Variants in RBM33 observed in about 807,000 individuals in gnomAD.
RBM33 encodes RNA-binding protein 33.
Under a neutral mutation model 132.6 loss-of-function variants are expected in RBM33, and 28 were observed. That is an observed-to-expected ratio of 0.21 (90% CI 0.16 to 0.29). The LOEUF is 0.29. Among genes scored for constraint, RBM33 ranks in the 10% least tolerant of loss-of-function variants. The probability of loss-of-function intolerance (pLI) is 1.00; values close to 1 mark genes in which losing one functional copy is unlikely to be tolerated. For missense variants in RBM33, 1,291 were observed against 1,518.5 expected (o/e 0.85, Z 2.49); for synonymous variants, 634 against 593.0 (o/e 1.07, Z -1.01).
intron 8 of RBM33, among the ~76,000 whole-genome samples, chr7:155,713,393 A>G (rs1192689154): frequency 6.6e-6 from 1 of 151,950 alleles, no homozygotes; most frequent in African/African-American, 2.4e-5. Context: ...AAGGACTGGG[A>G]CCTAGGGCAC....
At chr7:155,771,762 C>T (rs755569568) in intron 16 of RBM33, among the ~76,000 whole-genome samples, 21 of 152,070 alleles carry the variant, frequency 1.4e-4, no homozygotes, top group African/African-American at 4.3e-4. Context: ...GACAGAGTCT[C>T]GCTCTGTCAC....
At chr7:155,682,163 C>T (rs1361969774) in intron 5 of RBM33, among the ~76,000 whole-genome samples, 4 of 152,104 alleles carry the variant, frequency 2.6e-5, no homozygotes, top group African/African-American at 4.8e-5. Context: ...TCAAGTTATC[C>T]GCCCGCCTCG....
intron 5 of RBM33, 29 bp from the exon 6 acceptor site, chr7:155,700,743 CT>C (rs1163034324): frequency 7.4e-6 from 11 of 1,486,418 alleles, no homozygotes; most frequent in East Asian, 2.5e-5. Context: ...ACTTACTGTC[CT>C]TTTTTTGCCT....
At chr7:155,744,454 A>G (rs1223902637) in intron 13 of RBM33, among the ~76,000 whole-genome samples, 3 of 152,224 alleles carry the variant, frequency 2.0e-5, no homozygotes, top group Non-Finnish European at 2.9e-5. Context: ...AAGGTCAGAG[A>G]GATTGACTTG....
At chr7:155,740,085 C>G in intron 12 of RBM33, 59 bp downstream of exon 12, 1 of 1,455,990 alleles carries the variant, frequency 6.9e-7, no homozygotes, top group Non-Finnish European at 9.1e-7. Context: ...ACTTACAGGA[C>G]TTGAGGGGCA....
intron 16 of RBM33, among the ~76,000 whole-genome samples, chr7:155,769,579 C>T (rs1024109753): frequency 1.2e-4 from 19 of 152,074 alleles, no homozygotes; most frequent in Non-Finnish European, 2.9e-5. Flanking sequence ...TCTCAGCCCA[C>T]CATGGAGGCC....
intron 4 of RBM33, 88 bp downstream of exon 4, chr7:155,678,772 A>G (rs570818732): frequency 2.8e-6 from 2 of 711,128 alleles, no homozygotes; most frequent in African/African-American, 3.6e-5. Flanking sequence ...ATGTAATTGA[A>G]TAATGTAGCC....
chr7:155,725,203 G>GT (rs59050644), intron 9 of RBM33, among the ~76,000 whole-genome samples: 5,911 of 104,898 alleles, frequency 0.056, 238 homozygotes, highest in South Asian at 0.071. Flanking sequence ...TTTTTTAGTT[G>GT]TTTTTTTTTT....
intron 9 of RBM33, among the ~76,000 whole-genome samples, chr7:155,725,557 C>T (rs1482617854): frequency 6.6e-6 from 1 of 152,022 alleles, no homozygotes; most frequent in African/African-American, 2.4e-5. Context: ...AATTGTGACC[C>T]TCATTAAGTA....
chr7:155,717,662 G>A (rs928660670), intron 8 of RBM33, among the ~76,000 whole-genome samples: 3 of 152,114 alleles, frequency 2.0e-5, no homozygotes, highest in Non-Finnish European at 4.4e-5. Context: ...GAGTTTCTTT[G>A]AAAATCAAGA....
chr7:155,742,455 A>C (rs1801380511), intron 13 of RBM33, among the ~76,000 whole-genome samples: 1 of 152,322 alleles, frequency 6.6e-6, no homozygotes, highest in Admixed American at 6.5e-5. Flanking sequence ...CCATTTTAGC[A>C]CAAAGGCAAT....
At chr7:155,737,692 CAACAG>C in intron 10 of RBM33, 30 bp downstream of exon 10, 1 of 1,523,234 alleles carries the variant, frequency 6.6e-7, no homozygotes, top group Non-Finnish European at 8.8e-7. Flanking sequence ...TGTGGAGTAA[CAACAG>C]AAGCTGCATT....
intron 9 of RBM33, among the ~76,000 whole-genome samples, chr7:155,718,964 C>T (rs987953121): frequency 3.3e-5 from 5 of 152,106 alleles, no homozygotes; most frequent in African/African-American, 9.7e-5. Context: ...CTCTCTCTCT[C>T]TCTCACACAC....
chr7:155,667,908 C>T (rs534105173), intron 2 of RBM33, among the ~76,000 whole-genome samples: 2 of 152,266 alleles, frequency 1.3e-5, no homozygotes, highest in East Asian at 1.9e-4. Context: ...AATGTACCAT[C>T]TTCCAGTTTC....
Position 155,766,470 on chromosome 7 carries a change from A to G in RBM33, c.3190A>G (p.Ile1064Val), listed in dbSNP as rs956033196. ...GTATTTCCTTTGTTGTCACCAGGCC[A>G]TCATGCACGGACGAGGCAGAGGAGT... ...IQGIHPAKKA[I>V]MHGRGRGVAG... The change falls in exon 16 of 18, where the codon ATC (isoleucine) becomes GTC (valine). Residue 1064 changes from isoleucine (I) to valine (V), a missense_variant. This residue lies in a region of RBM33 where 841 missense variants were observed against 912.0 expected (regional missense o/e 0.92). Transcript: ENST00000401878. 1.2e-6 allele frequency: 2 copies of G among 1,613,386 alleles called. No individual in the cohort carries two copies. Among genetic ancestry groups the G allele is most frequent in the East Asian group, 2.2e-5 (1 of 44,886 alleles).
At chr7:155,650,913 C>T (rs147850373) in intron 1 of RBM33, among the ~76,000 whole-genome samples, 34 of 152,234 alleles carry the variant, frequency 2.2e-4, no homozygotes, top group South Asian at 1.0e-3. Context: ...CTCGCTCTAT[C>T]GCCCAGGCTG....
chr7:155,693,555 G>A lies in RBM33; in HGVS notation c.568-7218G>A, dbSNP rs186064592. Among the ~76,000 whole-genome samples the A allele has an allele frequency of 5.2e-4, 79 of 151,904 alleles. 1 individual carries two copies. Among genetic ancestry groups the A allele is most frequent in the African/African-American group, 1.8e-3 (76 of 41,400 alleles). Reference sequence around the variant, plus strand: ...TGAAAAATATTTTTAAAAGGTATTCGTATATTTACTTTTTTTATCCTTTCC... The same window carrying A: ...TGAAAAATATTTTTAAAAGGTATTCATATATTTACTTTTTTTATCCTTTCC... On this transcript the variant is annotated intron_variant, in intron 5 of 17. Coordinates refer to ENST00000401878, the MANE Select transcript of RBM33 (RefSeq NM_053043.3).
intron 1 of RBM33, among the ~76,000 whole-genome samples, chr7:155,658,384 ATTTTTTT>A (rs71303950): frequency 4.9e-5 from 6 of 122,874 alleles, no homozygotes; most frequent in Non-Finnish European, 3.4e-5. Context: ...ATATAGTTGG[ATTTTTTT>A]TTTTTTTTTT....
chr7:155,778,336 AAC>A lies in RBM33; in HGVS notation c.*3297_*3298del, dbSNP rs1802691770. The A allele has an allele frequency of 6.6e-6, 1 of 152,170 alleles. No individual in the cohort carries two copies. Among genetic ancestry groups the A allele is most frequent in the South Asian group, 2.1e-4 (1 of 4,826 alleles). 9.4% of individuals were successfully genotyped at this position (152,170 alleles called of 1,614,324 possible). On this transcript the variant is annotated 3_prime_UTR_variant, in exon 18 of 18. Coordinates refer to ENST00000401878, the MANE Select transcript of RBM33 (RefSeq NM_053043.3). This position sits in a 1 kb window ranked among gnomAD's most constrained non-coding sequence, Gnocchi z 4.0. The stretch of plus-strand genomic sequence containing the variant: ...CCTGCACCCAGGGGTCTTTTTTTCA[AAC>A]AGCATCTTGCTCAGTTCTGTGAACA...
Sources: allele counts gnomAD v4.1 joint callset (sites outside exome capture counted in the v4.1 genomes callset), GRCh38; gene constraint gnomAD v4.1.1; regional missense constraint gnomAD v4.1.1; non-coding constraint Gnocchi (gnomAD v3.1); transcripts MANE v1.5; gene names NCBI Gene and HGNC (gene_info 2026-07-23, HGNC 2026-07-21).